DPP6: variants seen among roughly 807,000 people sequenced by gnomAD.
The protein encoded by DPP6 is A-type potassium channel modulatory protein DPP6.
DPP6 carries 69 observed loss-of-function variants against 122.6 expected under a neutral mutation model. The ratio of observed to expected loss-of-function variants is 0.56; its 90% CI spans 0.46 to 0.69. DPP6 has a LOEUF of 0.69. DPP6 is among the 30% of genes least tolerant of loss of function. The pLI is 0.00. For synonymous variants in DPP6, 418 were observed against 433.1 expected (o/e 0.97, Z 0.43); for missense variants, 928 against 1,116.9 (o/e 0.83, Z 2.41).
At chr7:154,084,989 CAAAAAAAA>C (rs370222780) in intron 1 of DPP6, among the ~76,000 whole-genome samples, 2 of 78,434 alleles carry the variant, frequency 2.5e-5, no homozygotes, top group Non-Finnish European at 4.5e-5. Context: ...GACTCCGTCT[CAAAAAAAA>C]AAAAAAAAAA....
chr7:153,821,320 A>G, the DPP6 span, among the ~76,000 whole-genome samples: 1 of 147,412 alleles, frequency 6.8e-6, no homozygotes, highest in Non-Finnish European at 1.5e-5. Flanking sequence ...TACAAGTATA[A>G]TCTCTTTTAC....
chr7:154,354,368 G>A (rs776504295), intron 1 of DPP6, among the ~76,000 whole-genome samples: 1 of 152,162 alleles, frequency 6.6e-6, no homozygotes, highest in African/African-American at 2.4e-5. Flanking sequence ...GGCCGTATAG[G>A]AGGCACTATC....
intron 1 of DPP6, among the ~76,000 whole-genome samples, chr7:154,106,788 G>A (rs528219746): frequency 6.6e-6 from 1 of 152,254 alleles, no homozygotes; most frequent in Non-Finnish European, 1.5e-5. Flanking sequence ...AGGAAAAGTT[G>A]AGACCCATGT....
At chr7:153,774,455 A>G in the DPP6 span, among the ~76,000 whole-genome samples, 1 of 152,198 alleles carries the variant, frequency 6.6e-6, no homozygotes, top group African/African-American at 2.4e-5. Context: ...CGATATGTCA[A>G]TCATGTGAGG....
intron 1 of DPP6, among the ~76,000 whole-genome samples, chr7:154,386,456 T>C (rs1255274539): frequency 1.3e-5 from 2 of 152,076 alleles, no homozygotes; most frequent in African/African-American, 4.8e-5. Flanking sequence ...GGGGCATTCC[T>C]TGCAGTGGGG....
chr7:154,263,805 C>T (rs1255601023), intron 1 of DPP6, among the ~76,000 whole-genome samples: 1 of 152,158 alleles, frequency 6.6e-6, no homozygotes, highest in Non-Finnish European at 1.5e-5. Flanking sequence ...ATTCTCCTGC[C>T]TCAGCCTCCT....
the DPP6 span, among the ~76,000 whole-genome samples, chr7:153,813,097 C>G: frequency 6.6e-6 from 1 of 151,728 alleles, no homozygotes; most frequent in South Asian, 2.1e-4. Flanking sequence ...TATACATGTG[C>G]CATGCTGGTG....
chr7:154,597,989 A>G (rs11767781), intron 5 of DPP6, among the ~76,000 whole-genome samples: 88,712 of 151,944 alleles, frequency 0.58, 26,279 homozygotes, highest in East Asian at 0.69. Context: ...TAACTTGATC[A>G]CCCCTGCAAA....
intron 1 of DPP6, among the ~76,000 whole-genome samples, chr7:154,283,696 G>A (rs1235138656): frequency 1.3e-5 from 2 of 152,154 alleles, no homozygotes; most frequent in African/African-American, 4.8e-5. Flanking sequence ...TGATCTCGAC[G>A]ATCTTGCTAA....
intron 1 of DPP6, among the ~76,000 whole-genome samples, chr7:154,356,833 A>G (rs1171356751): frequency 6.6e-6 from 1 of 152,204 alleles, no homozygotes; most frequent in East Asian, 1.9e-4. Flanking sequence ...AAGAATAAAA[A>G]GAACAAAAGA....
At chr7:154,488,111 C>T (rs964699229) in intron 3 of DPP6, among the ~76,000 whole-genome samples, 1 of 150,932 alleles carries the variant, frequency 6.6e-6, no homozygotes, top group African/African-American at 2.5e-5. Flanking sequence ...AGAGAAGAGG[C>T]CTCTGGGAAC....
chr7:153,801,543 T>G, the DPP6 span, among the ~76,000 whole-genome samples: 46,709 of 151,816 alleles, frequency 0.31, 7,270 homozygotes, highest in South Asian at 0.45. Flanking sequence ...GAGTAGATTG[T>G]GTGGATGATG....
At chr7:154,111,984 A>G (rs1350219630) in intron 1 of DPP6, among the ~76,000 whole-genome samples, 1 of 152,232 alleles carries the variant, frequency 6.6e-6, no homozygotes, top group African/African-American at 2.4e-5. Flanking sequence ...CAAAATGGGC[A>G]GAGACTGGGT....
intron 2 of DPP6, among the ~76,000 whole-genome samples, chr7:154,449,434 TAGTA>T (rs1183898205): frequency 6.6e-6 from 1 of 151,864 alleles, no homozygotes; most frequent in Non-Finnish European, 1.5e-5. Flanking sequence ...AAATGGAAAA[TAGTA>T]AGTATTCCCA....
chr7:154,279,647 A>G (rs1318115379), intron 1 of DPP6, among the ~76,000 whole-genome samples: 2 of 152,188 alleles, frequency 1.3e-5, no homozygotes, highest in Non-Finnish European at 2.9e-5. Flanking sequence ...TGATTTTTGA[A>G]CCCAGTTGTT....
At chr7:154,315,830 G>T (rs971969009) in intron 1 of DPP6, among the ~76,000 whole-genome samples, 2 of 152,128 alleles carry the variant, frequency 1.3e-5, no homozygotes, top group Non-Finnish European at 2.9e-5. Context: ...CTCCATAGGG[G>T]TCAGTTTAAC....
chr7:154,196,553 C>A (rs1439159522), intron 1 of DPP6, among the ~76,000 whole-genome samples: 1 of 152,180 alleles, frequency 6.6e-6, no homozygotes, highest in Non-Finnish European at 1.5e-5. Context: ...CAGTGAATTT[C>A]TGTGTTATTC....
intron 1 of DPP6, among the ~76,000 whole-genome samples, chr7:153,894,421 A>G (rs1161981497): frequency 6.6e-6 from 1 of 152,180 alleles, no homozygotes; most frequent in African/African-American, 2.4e-5. Context: ...CTCAGAACAG[A>G]CAGGCAGGCA....
chr7:154,041,750 G>GTT (rs112011849), intron 1 of DPP6, among the ~76,000 whole-genome samples: 1,730 of 149,984 alleles, frequency 0.012, 29 homozygotes, highest in African/African-American at 0.041. Flanking sequence ...TCTCATGTTT[G>GTT]TTTTTTTTGT....
Sources: allele counts gnomAD v4.1 joint callset (sites outside exome capture counted in the v4.1 genomes callset), GRCh38; gene constraint gnomAD v4.1.1; transcripts MANE v1.5; gene names NCBI Gene and HGNC (gene_info 2026-07-23, HGNC 2026-07-21).